Variants in ACTR3C observed in about 807,000 individuals in gnomAD.
ACTR3C encodes actin-related protein 3C.
A neutral mutation model predicts 26.3 loss-of-function variants in ACTR3C; 18 were observed. The observed-to-expected ratio is 0.68, with a 90% CI of 0.47 to 1.01. ACTR3C has a LOEUF of 1.01. ACTR3C is among the 50% of genes least tolerant of loss of function. The probability of loss-of-function intolerance (pLI) is 0.00; values close to 1 mark genes in which losing one functional copy is unlikely to be tolerated. For missense variants in ACTR3C, 184 were observed against 250.7 expected (o/e 0.73, Z 1.80); for synonymous variants, 55 against 94.5 (o/e 0.58, Z 2.42).
chr7:150,031,708 C>CT, the ACTR3C span, among the ~76,000 whole-genome samples: 1 of 152,028 alleles, frequency 6.6e-6, no homozygotes, highest in Non-Finnish European at 1.5e-5. Flanking sequence ...GGACAATTTG[C>CT]TTACAATTTC....
the ACTR3C span, among the ~76,000 whole-genome samples, chr7:150,046,649 G>T: frequency 7.2e-6 from 1 of 138,994 alleles, no homozygotes; most frequent in African/African-American, 2.8e-5. Context: ...GCCTGTCGGG[G>T]ATTTTTCTCT....
At chr7:150,212,042 A>G in the ACTR3C span, among the ~76,000 whole-genome samples, 25 of 147,210 alleles carry the variant, frequency 1.7e-4, no homozygotes, top group East Asian at 4.8e-3. Context: ...GAACACACAC[A>G]TTATGTCTCC....
chr7:149,947,081 C>T, the ACTR3C span, among the ~76,000 whole-genome samples: 1 of 151,734 alleles, frequency 6.6e-6, no homozygotes, highest in East Asian at 1.9e-4. Context: ...TGTCCACAAT[C>T]CCGGCTTCCC....
At chr7:150,197,845 TCCCTCTCCCCTCTC>T in the ACTR3C span, among the ~76,000 whole-genome samples, 6,903 of 148,674 alleles carry the variant, frequency 0.046, 410 homozygotes, top group East Asian at 0.16. Flanking sequence ...TTTAACATAG[TCCCTCTCCCCTCTC>T]CCCTCTCCCC....
rs79205517 is a variant in ACTR3C, at chr7:150,313,288, T to A, written c.-52+10181A>T. 3.4e-3 allele frequency among the ~76,000 whole-genome samples: 522 copies of A among 152,276 alleles called. 3 individuals carry two copies. Among genetic ancestry groups the A allele is most frequent in the Non-Finnish European group, 5.6e-3 (382 of 68,018 alleles). Reference sequence around the variant, plus strand: ...TCTTCTCTACGGACACACGTGACAGTTCAGAAAGGTGGGACAACTTGAAAT... The same window carrying A: ...TCTTCTCTACGGACACACGTGACAGATCAGAAAGGTGGGACAACTTGAAAT... On this transcript the variant is annotated intron_variant, in intron 1 of 7. Transcript: ENST00000683684.
chr7:150,034,356 T>C, the ACTR3C span, among the ~76,000 whole-genome samples: 3 of 151,014 alleles, frequency 2.0e-5, no homozygotes, highest in Admixed American at 6.6e-5. Context: ...CTCTGACGCA[T>C]ACAATGGAAA....
the ACTR3C span, among the ~76,000 whole-genome samples, chr7:149,917,745 T>C: frequency 6.7e-6 from 1 of 149,078 alleles, no homozygotes; most frequent in Admixed American, 6.8e-5. Flanking sequence ...CAAGCAATCA[T>C]CTGCCTCAAC....
the ACTR3C span, among the ~76,000 whole-genome samples, chr7:150,215,325 T>A: frequency 1.3e-5 from 2 of 152,162 alleles, no homozygotes; most frequent in African/African-American, 2.4e-5. Flanking sequence ...CACCAACATT[T>A]TACTAATTCA....
intron 5 of ACTR3C, among the ~76,000 whole-genome samples, chr7:150,285,511 C>T (rs1017769153): frequency 6.6e-6 from 1 of 152,196 alleles, no homozygotes; most frequent in African/African-American, 2.4e-5. Flanking sequence ...TTCAGTTGCT[C>T]ACCAGCTGTT....
At chr7:149,998,281 C>A in the ACTR3C span, among the ~76,000 whole-genome samples, 4 of 150,846 alleles carry the variant, frequency 2.7e-5, no homozygotes, top group Non-Finnish European at 5.9e-5. Context: ...TTCTTGGAGG[C>A]CCCTCTAATT....
the ACTR3C span, among the ~76,000 whole-genome samples, chr7:149,960,715 C>T: frequency 1.1e-4 from 16 of 152,050 alleles, no homozygotes; most frequent in Admixed American, 9.8e-4. Context: ...AAGCACTGCA[C>T]AGGGAGGCCA....
At chr7:149,961,536 AG>A in the ACTR3C span, among the ~76,000 whole-genome samples, 1 of 152,010 alleles carries the variant, frequency 6.6e-6, no homozygotes, top group Non-Finnish European at 1.5e-5. Context: ...GTGGCCTCAT[AG>A]GAAGTGTGAG....
At chr7:150,106,913 A>G in the ACTR3C span, among the ~76,000 whole-genome samples, 1 of 146,420 alleles carries the variant, frequency 6.8e-6, no homozygotes, top group Admixed American at 6.7e-5. Flanking sequence ...AACCCCAAAG[A>G]GATCTGGGGA....
chr7:150,023,435 G>C, the ACTR3C span, among the ~76,000 whole-genome samples: 1 of 150,074 alleles, frequency 6.7e-6, no homozygotes, highest in East Asian at 2.0e-4. Context: ...CCAGGTTCAA[G>C]CAATTCTCCT....
the ACTR3C span, among the ~76,000 whole-genome samples, chr7:150,011,178 C>T: frequency 6.6e-6 from 1 of 152,318 alleles, no homozygotes; most frequent in Admixed American, 6.5e-5. Context: ...CATTGGATTC[C>T]AAGGTCTTTG....
At chr7:149,888,749 T>C in the ACTR3C span, among the ~76,000 whole-genome samples, 6 of 152,346 alleles carry the variant, frequency 3.9e-5, no homozygotes, top group East Asian at 1.2e-3. Flanking sequence ...GGCTCACACC[T>C]GTAATCCCAG....
chr7:150,195,450 A>G, the ACTR3C span, among the ~76,000 whole-genome samples: 1 of 152,028 alleles, frequency 6.6e-6, no homozygotes, highest in African/African-American at 2.4e-5. Flanking sequence ...ATTTCTTGCT[A>G]TGTAGGTCTA....
rs1295884271 is a variant in ACTR3C, at chr7:150,271,140, T to TA, written c.564+13612dup. On this transcript the variant is annotated intron_variant, in intron 6 of 7. Coordinates refer to ENST00000683684, the MANE Select transcript of ACTR3C (RefSeq NM_001164458.2). ...TAGAGCAAAAAGTGGTCAGTGGCTGTAAAAACCTCCACGTCTGACACAGTG... is the reference window on the plus strand; with the variant it reads ...TAGAGCAAAAAGTGGTCAGTGGCTGTAAAAAACCTCCACGTCTGACACAGTG... 4.4e-5 allele frequency among the ~76,000 whole-genome samples: 6 copies of TA among 136,982 alleles called. 1 individual carries two copies. In the East Asian group the frequency reaches 8.2e-4, roughly 19 times the overall value. The allele number at this position is 136,982 out of a possible 152,430, so 89.9% of individuals were successfully genotyped here.
the ACTR3C span, among the ~76,000 whole-genome samples, chr7:150,174,597 A>G: frequency 2.1e-5 from 3 of 139,558 alleles, no homozygotes. Context: ...AACAACTTTA[A>G]GAACAAGTCT....
Sources: allele counts gnomAD v4.1 joint callset (sites outside exome capture counted in the v4.1 genomes callset), GRCh38; gene constraint gnomAD v4.1.1; transcripts MANE v1.5; gene names NCBI Gene and HGNC (gene_info 2026-07-23, HGNC 2026-07-21).